The following CRCT1 variants were observed in gnomAD, a reference collection of about 807,000 sequenced individuals.
CRCT1 encodes cysteine-rich C-terminal protein 1.
For missense variants in CRCT1, 160 were observed against 136.3 expected, an observed-to-expected ratio of 1.17 and a Z score of -0.87; for synonymous variants, 86 against 60.3, an observed-to-expected ratio of 1.43 and a Z score of -1.98.
Position 152,515,664 on chromosome 1 carries a change from G to C in CRCT1, c.281G>C (p.Gly94Ala), listed in dbSNP as rs780468959. ...RSQRSNNRSSGCCSGC is the reference protein window; with the variant it reads ...RSQRSNNRSSACCSGC ...CAGCGCTCCAACAACCGGAGCTCAG[G>C]ATGCTGCTCCGGCTGCTGAGAGGCC... The change falls in exon 2 of 2, where the codon GGA (glycine) becomes GCA (alanine). Residue 94 changes from glycine to alanine, a missense_variant. By Grantham distance (60) the Gly-to-Ala change is moderately conservative. Transcript: ENST00000368790. 2.1e-5 allele frequency: 32 copies of C among 1,547,904 alleles called. No individual in the cohort carries two copies. The highest frequency in any genetic ancestry group is 2.8e-5 in the Non-Finnish European group (32 of 1,147,208).
At position 152,515,482 on chromosome 1, in the gene CRCT1, C is replaced by T. The variant is rs1658722633; in HGVS notation, c.99C>T (p.Pro33=). 6.2e-7 allele frequency: 1 copy of T among 1,600,704 alleles called. No individual in the cohort carries two copies. The highest frequency in any genetic ancestry group is 8.5e-7 in the Non-Finnish European group (1 of 1,176,542). ...PCPAPAPTPA[P]ASSSSCCGSG... ...CCGCCCCGGCGCCCACCCCGGCGCC[C>T]GCCTCCTCCTCCTCCTGCTGCGGCT... Residue 33 remains proline (P), a synonymous_variant, in exon 2 of 2, where the codon CCC becomes CCT. Coordinates refer to ENST00000368790, the MANE Select transcript of CRCT1 (RefSeq NM_019060.3).
Position 152,515,726 on chromosome 1 carries a change from G to C in CRCT1, c.*43G>C. The C allele has an allele frequency of 7.0e-7, 1 of 1,431,428 alleles. No homozygotes were observed. The highest frequency in any genetic ancestry group is 1.5e-5 in the South Asian group (1 of 65,734). The allele number at this position is 1,431,428 out of a possible 1,614,324, so 88.7% of individuals were successfully genotyped here. The stretch of plus-strand genomic sequence containing the variant: ...GCGCTGCGCTAGAGAAACCCGCCCA[G>C]CCCAGAGCGGGCCCGCCCCGCTGCG... On this transcript the variant is annotated 3_prime_UTR_variant, in exon 2 of 2. Transcript: ENST00000368790.
At position 152,515,681 on chromosome 1, in the gene CRCT1, T is replaced by C; in HGVS notation, c.298T>C (p.Ter100ArgextTer56). 1.3e-6 allele frequency: 2 copies of C among 1,512,534 alleles called. No individual in the cohort carries two copies. The highest frequency in any genetic ancestry group is 4.2e-5 in the Admixed American group (2 of 47,812). 93.7% of individuals were successfully genotyped at this position (1,512,534 alleles called of 1,614,324 possible). The change falls in exon 2 of 2, where the codon TGA becomes CGA. Residue 100 changes from the stop codon to arginine (R), a stop_lost. Transcript: ENST00000368790. ...NRSSGCCSGC* is the reference protein window; with the variant it reads ...NRSSGCCSGCR Reference sequence around the variant, plus strand: ...GAGCTCAGGATGCTGCTCCGGCTGCTGAGAGGCCCGCAACCCCCAGCGCTG... The same window carrying C: ...GAGCTCAGGATGCTGCTCCGGCTGCCGAGAGGCCCGCAACCCCCAGCGCTG...
At position 152,515,474 on chromosome 1, in the gene CRCT1, C is replaced by T. The variant is rs1479083080; in HGVS notation, c.91C>T (p.Pro31Ser). 3 of 1,600,962 alleles carry T rather than the reference C, an allele frequency of 1.9e-6. No individual in the cohort carries two copies. The highest frequency in any genetic ancestry group is 2.5e-6 in the Non-Finnish European group (3 of 1,176,532). ...PAPCPAPAPT[P>S]APASSSSCCG... ...TCCGTGTCCCGCCCCGGCGCCCACC[C>T]CGGCGCCCGCCTCCTCCTCCTCCTG... Residue 31 changes from proline (P) to serine (S), a missense_variant, in exon 2 of 2, where the codon CCG becomes TCG. By Grantham distance (74) the Pro-to-Ser change is moderately conservative. Transcript: ENST00000368790.
In CRCT1 at chr1:152,515,407, T is replaced by C; in HGVS notation, c.24T>C (p.Val8=). MSSQQSA[V]SAKGFSKGSS... The stretch of plus-strand genomic sequence containing the variant: ...CGATGTCCTCTCAACAGAGCGCCGT[T>C]TCCGCCAAAGGCTTTTCCAAGGGGT... Residue 8 remains valine, a synonymous_variant, in exon 2 of 2, where the codon GTT becomes GTC. Transcript: ENST00000368790. The C allele has an allele frequency of 6.4e-7, 1 of 1,560,784 alleles. No individual in the cohort carries two copies. The highest frequency in any genetic ancestry group is 8.6e-7 in the Non-Finnish European group (1 of 1,157,320).
chr1:152,515,767 T>A lies in CRCT1; in HGVS notation c.*84T>A. ...CCCCGCTGCGGCTCCCACGCGGGGCTGGGCCTCGGAGTTTGCCCCGTAAAG... is the reference window on the plus strand; with the variant it reads ...CCCCGCTGCGGCTCCCACGCGGGGCAGGGCCTCGGAGTTTGCCCCGTAAAG... On this transcript the variant is annotated 3_prime_UTR_variant, in exon 2 of 2. Transcript: ENST00000368790. The A allele has an allele frequency of 7.1e-7, 1 of 1,417,156 alleles. No individual in the cohort carries two copies. The highest frequency in any genetic ancestry group is 9.2e-7 in the Non-Finnish European group (1 of 1,086,130). The allele number at this position is 1,417,156 out of a possible 1,614,324, so 87.8% of individuals were successfully genotyped here. A position where few individuals can be genotyped will look rare whatever the true frequency, so the allele number is the denominator to read the frequency against.
rs1557944185 is a variant in CRCT1 at position 152,515,496 on chromosome 1, CCTGCTGCGGCTCCGGCAGGGG to C, written c.124_144del (p.Ser42_Gly48del). Reference sequence around the variant, plus strand: ...ACCCCGGCGCCCGCCTCCTCCTCCTCCTGCTGCGGCTCCGGCAGGGGCTGCTGCGGCGACTCAGGCTGCTGC... The same window carrying C: ...ACCCCGGCGCCCGCCTCCTCCTCCTCCTGCTGCGGCGACTCAGGCTGCTGC... On this transcript the variant is annotated inframe_deletion, in exon 2 of 2. Transcript: ENST00000368790. 5 of 1,598,454 alleles carry C rather than the reference CCTGCTGCGGCTCCGGCAGGGG, an allele frequency of 3.1e-6. No homozygotes were observed. The highest frequency in any genetic ancestry group is 3.4e-5 in the Admixed American group (2 of 59,284).
In CRCT1 at chr1:152,515,418, G is replaced by T. The variant is rs746695339; in HGVS notation, c.35G>T (p.Gly12Val). ...CAACAGAGCGCCGTTTCCGCCAAAGGCTTTTCCAAGGGGTCGTCCCAGGGC... is the reference window on the plus strand; with the variant it reads ...CAACAGAGCGCCGTTTCCGCCAAAGTCTTTTCCAAGGGGTCGTCCCAGGGC... ...SSQQSAVSAK[G>V]FSKGSSQGPA... The change falls in exon 2 of 2, where the codon GGC (glycine) becomes GTC (valine). Residue 12 changes from glycine to valine, a missense_variant. Physicochemically the swap from Gly to Val is moderately radical, Grantham distance 109 (BLOSUM62 -3). Transcript: ENST00000368790. 2.5e-6 allele frequency: 4 copies of T among 1,572,932 alleles called. No individual in the cohort carries two copies. In the East Asian group the frequency reaches 6.8e-5, roughly 27 times the overall value.
Position 152,515,859 on chromosome 1 carries a change from G to A in CRCT1, c.*176G>A. On this transcript the variant is annotated 3_prime_UTR_variant, in exon 2 of 2. Coordinates refer to ENST00000368790, the MANE Select transcript of CRCT1 (RefSeq NM_019060.3). ...CCACGCAAAACTCCCTGACCCCGATGTGATTTTTCTCCCCGGGGATTCGAG... is the reference window on the plus strand; with the variant it reads ...CCACGCAAAACTCCCTGACCCCGATATGATTTTTCTCCCCGGGGATTCGAG... 1 of 1,105,478 alleles carries A rather than the reference G, an allele frequency of 9.0e-7. No individual in the cohort carries two copies. Among genetic ancestry groups the A allele is most frequent in the Non-Finnish European group, 1.2e-6 (1 of 813,066 alleles). 68.5% of individuals were successfully genotyped at this position (1,105,478 alleles called of 1,614,324 possible).
chr1:152,515,253 C>G, intron 1 of CRCT1, 109 bp from the exon 2 acceptor site: 4 of 938,130 alleles, frequency 4.3e-6, no homozygotes, highest in South Asian at 2.1e-5. Context: ...CCCTCCTTGT[C>G]CCAGGCCAGG....
chr1:152,515,563 C>T lies in CRCT1; in HGVS notation c.180C>T (p.Cys60=). The T allele has an allele frequency of 6.3e-7, 1 of 1,595,854 alleles. No individual in the cohort carries two copies. ...GCTGCGGCTCCAGCTCCACCAGTTG[C>T]TGCTGCTTCCCAAGGAGACGCCGCC... ...SGCCGSSSTS[C]CCFPRRRRRQ... is the part of the protein sequence containing the mutation. Residue 60 remains cysteine (C), a synonymous_variant, in exon 2 of 2, where the codon TGC becomes TGT. Transcript: ENST00000368790.
rs1244093603 is a variant in CRCT1, at chr1:152,515,560, T to C, written c.177T>C (p.Ser59=). Reference sequence around the variant, plus strand: ...GCTGCTGCGGCTCCAGCTCCACCAGTTGCTGCTGCTTCCCAAGGAGACGCC... The same window carrying C: ...GCTGCTGCGGCTCCAGCTCCACCAGCTGCTGCTGCTTCCCAAGGAGACGCC... ...DSGCCGSSST[S]CCCFPRRRRR... Residue 59 remains serine, a synonymous_variant, in exon 2 of 2, where the codon AGT becomes AGC. Transcript: ENST00000368790. 4.4e-6 allele frequency: 7 copies of C among 1,594,722 alleles called. No individual in the cohort carries two copies. The highest frequency in any genetic ancestry group is 2.2e-4 in the Middle Eastern group (1 of 4,550).
chr1:152,515,624 G>A lies in CRCT1; in HGVS notation c.241G>A (p.Gly81Ser), dbSNP rs1240428649. ...TAGTGGTTGCTGCTGCTGCGGGGGC[G>A]GCAGCCAGAGGTCCCAGCGCTCCAA... is the stretch of plus-strand genomic sequence containing the variant. Reference protein sequence around the residue: ...RSSGCCCCGGGSQRSQRSNNR... With the variant: ...RSSGCCCCGGSSQRSQRSNNR... Residue 81 changes from glycine to serine, a missense_variant, in exon 2 of 2, where the codon GGC becomes AGC. Gly to Ser is a moderately conservative substitution (Grantham distance 56, BLOSUM62 0). Transcript: ENST00000368790. 5.1e-6 allele frequency: 8 copies of A among 1,582,330 alleles called. No individual in the cohort carries two copies.
chr1:152,515,476 G>C lies in CRCT1; in HGVS notation c.93G>C (p.Pro31=). 1 of 1,601,218 alleles carries C rather than the reference G, an allele frequency of 6.2e-7. No homozygotes were observed. ...PAPCPAPAPT[P]APASSSSCCG... ...CGTGTCCCGCCCCGGCGCCCACCCC[G>C]GCGCCCGCCTCCTCCTCCTCCTGCT... Residue 31 remains proline (P), a synonymous_variant, in exon 2 of 2, where the codon CCG becomes CCC. Transcript: ENST00000368790.
Position 152,515,690 on chromosome 1 carries a change from C to T in CRCT1, c.*7C>T, listed in dbSNP as rs1434576961. 1.3e-6 allele frequency: 2 copies of T among 1,499,028 alleles called. No individual in the cohort carries two copies. The highest frequency in any genetic ancestry group is 1.3e-5 in the South Asian group (1 of 75,614). 92.9% of individuals were successfully genotyped at this position (1,499,028 alleles called of 1,614,324 possible). A position where few individuals can be genotyped will look rare whatever the true frequency, so the allele number is the denominator to read the frequency against. Reference sequence around the variant, plus strand: ...ATGCTGCTCCGGCTGCTGAGAGGCCCGCAACCCCCAGCGCTGCGCTAGAGA... The same window carrying T: ...ATGCTGCTCCGGCTGCTGAGAGGCCTGCAACCCCCAGCGCTGCGCTAGAGA... On this transcript the variant is annotated 3_prime_UTR_variant, in exon 2 of 2. Transcript: ENST00000368790.
rs1454914623 is a variant in CRCT1 at position 152,515,357 on chromosome 1, T to A, written c.-22-5T>A. ...CTCGCCTTTGAAAGGCTGCCTTTCT[T>A]CCAGGTTTGTCGTGAGGAGCTCCGC... On this transcript the variant is annotated splice_region_variant and splice_polypyrimidine_tract_variant and intron_variant, in intron 1 of 1. Coordinates refer to ENST00000368790, the MANE Select transcript of CRCT1 (RefSeq NM_019060.3). 1.3e-6 allele frequency: 2 copies of A among 1,488,226 alleles called. No individual in the cohort carries two copies. The highest frequency in any genetic ancestry group is 2.9e-5 in the African/African-American group (2 of 69,830). 92.2% of individuals were successfully genotyped at this position (1,488,226 alleles called of 1,614,324 possible). A position where few individuals can be genotyped will look rare whatever the true frequency, so the allele number is the denominator to read the frequency against.
rs1199424747 is a variant in CRCT1, at chr1:152,515,691, G to A, written c.*8G>A. ...TGCTGCTCCGGCTGCTGAGAGGCCCGCAACCCCCAGCGCTGCGCTAGAGAA... is the reference window on the plus strand; with the variant it reads ...TGCTGCTCCGGCTGCTGAGAGGCCCACAACCCCCAGCGCTGCGCTAGAGAA... On this transcript the variant is annotated 3_prime_UTR_variant, in exon 2 of 2. Transcript: ENST00000368790. 1.3e-6 allele frequency: 2 copies of A among 1,493,388 alleles called. No homozygotes were observed. Among genetic ancestry groups the A allele is most frequent in the Non-Finnish European group, 1.8e-6 (2 of 1,119,156 alleles). 92.5% of individuals were successfully genotyped at this position (1,493,388 alleles called of 1,614,324 possible). A position where few individuals can be genotyped will look rare whatever the true frequency, so the allele number is the denominator to read the frequency against.
At chr1:152,514,714 G>A (rs1658699278) in intron 1 of CRCT1, among the ~76,000 whole-genome samples, 162 bp downstream of exon 1, 1 of 152,162 alleles carries the variant, frequency 6.6e-6, no homozygotes, top group South Asian at 2.1e-4. Context: ...AGGACATAAA[G>A]GCAACATAGG....
Position 152,515,494 on chromosome 1 carries a change from C to T in CRCT1, c.111C>T (p.Ser37=), listed in dbSNP as rs1658723193. 3 of 1,601,464 alleles carry T rather than the reference C, an allele frequency of 1.9e-6. No individual in the cohort carries two copies. The highest frequency in any genetic ancestry group is 2.2e-5 in the South Asian group (2 of 90,456). Residue 37 remains serine (S), a synonymous_variant, in exon 2 of 2, where the codon TCC becomes TCT. Coordinates refer to ENST00000368790, the MANE Select transcript of CRCT1 (RefSeq NM_019060.3). ...CCACCCCGGCGCCCGCCTCCTCCTC[C>T]TCCTGCTGCGGCTCCGGCAGGGGCT... The part of the protein sequence containing the change: ...PAPTPAPASS[S]SCCGSGRGCC...
Sources: allele counts gnomAD v4.1 joint callset (sites outside exome capture counted in the v4.1 genomes callset), GRCh38; gene constraint gnomAD v4.1.1; transcripts MANE v1.5; gene names NCBI Gene and HGNC (gene_info 2026-07-23, HGNC 2026-07-21).